Variants in DCAF8L2 observed in about 807,000 individuals in gnomAD.
DCAF8L2 encodes the protein DDB1- and CUL4-associated factor 8-like protein 2.
For missense variants in DCAF8L2, 430 were observed against 490.7 expected (o/e 0.88, Z 1.17); for synonymous variants, 200 against 190.9 (o/e 1.05, Z -0.39).
chrX:27,613,881 G>A (rs779926209), intron 1 of DCAF8L2, among the ~76,000 whole-genome samples: 11 of 111,295 alleles, frequency 9.9e-5, no homozygotes, highest in African/African-American at 2.9e-4. Flanking sequence ...TGTTTGCATC[G>A]ATGTTCATCA....
chrX:27,514,684 A>AC, the DCAF8L2 span, among the ~76,000 whole-genome samples: 88 of 92,569 alleles, frequency 9.5e-4, 2 homozygotes, highest in African/African-American at 2.1e-3. Flanking sequence ...AAAAAAAAAA[A>AC]AAAAAAAAAA....
the DCAF8L2 span, among the ~76,000 whole-genome samples, chrX:27,525,144 T>A: frequency 4.5e-5 from 5 of 111,208 alleles, no homozygotes; most frequent in East Asian, 1.1e-3. Context: ...AAAGTCTCCC[T>A]TTATTATTGT....
At chrX:27,668,653 C>T (rs1929826820) in intron 2 of DCAF8L2, among the ~76,000 whole-genome samples, 1 of 111,968 alleles carries the variant, frequency 8.9e-6, no homozygotes, top group Non-Finnish European at 1.9e-5. Context: ...GTTTCCTCTA[C>T]TCAGAAAAAG....
the DCAF8L2 span, among the ~76,000 whole-genome samples, chrX:27,582,320 AGTATTCAAATTTCACCAATTT>A: frequency 2.9e-4 from 33 of 111,905 alleles, no homozygotes; most frequent in African/African-American, 1.0e-3. Context: ...AACTATACAT[AGTATTCAAATTTCACCAATTT>A]TTCCACTAAT....
the DCAF8L2 span, among the ~76,000 whole-genome samples, chrX:27,539,657 T>G: frequency 7.2e-5 from 8 of 111,626 alleles, no homozygotes; most frequent in Non-Finnish European, 1.5e-4. Context: ...ATTCTGTGTC[T>G]GTGTGTATGC....
the DCAF8L2 span, among the ~76,000 whole-genome samples, chrX:27,471,362 C>T: frequency 9.0e-6 from 1 of 111,388 alleles, no homozygotes; most frequent in African/African-American, 3.3e-5. Context: ...TGTTTTCCTG[C>T]AGTCCGTTCT....
intron 4 of DCAF8L2, among the ~76,000 whole-genome samples, chrX:27,736,816 A>G (rs938909855): frequency 4.6e-5 from 5 of 109,351 alleles, no homozygotes; most frequent in African/African-American, 1.7e-4. Context: ...CAGGGTCAAA[A>G]TTATTTTATG....
chrX:27,510,793 C>T, the DCAF8L2 span, among the ~76,000 whole-genome samples: 1 of 110,807 alleles, frequency 9.0e-6, no homozygotes, highest in Non-Finnish European at 1.9e-5. Context: ...TATTGGCTTG[C>T]TGACAATTCA....
the DCAF8L2 span, among the ~76,000 whole-genome samples, chrX:27,497,549 C>CTTCTTTCTTTCTTTCT: frequency 9.3e-5 from 6 of 64,444 alleles, no homozygotes; most frequent in African/African-American, 5.3e-4. Context: ...TCCTTCCTTC[C>CTTCTTTCTTTCTTTCT]TTCTTTCTTT....
At chrX:27,626,633 A>G (rs1346261116) in intron 1 of DCAF8L2, among the ~76,000 whole-genome samples, 1 of 112,332 alleles carries the variant, frequency 8.9e-6, no homozygotes, top group Non-Finnish European at 1.9e-5. Flanking sequence ...TTAATTTGAT[A>G]TGTAATATTT....
intron 4 of DCAF8L2, among the ~76,000 whole-genome samples, chrX:27,729,685 G>T (rs1443834175): frequency 9.0e-6 from 1 of 111,676 alleles, no homozygotes; most frequent in Non-Finnish European, 1.9e-5. Flanking sequence ...TTAGCTTTCT[G>T]GAGTTTCTTT....
At chrX:27,515,300 A>T in the DCAF8L2 span, among the ~76,000 whole-genome samples, 1 of 112,516 alleles carries the variant, frequency 8.9e-6, no homozygotes, top group Non-Finnish European at 1.9e-5. Context: ...CCAAATACTC[A>T]TAAGTGTATT....
the DCAF8L2 span, among the ~76,000 whole-genome samples, chrX:27,477,362 A>G: frequency 9.0e-5 from 10 of 111,657 alleles, no homozygotes; most frequent in Non-Finnish European, 1.5e-4. Context: ...ATCTCGGCTC[A>G]CTGCAAGCTC....
the DCAF8L2 span, among the ~76,000 whole-genome samples, chrX:27,505,519 A>G: frequency 1.8e-5 from 2 of 112,051 alleles, no homozygotes; most frequent in African/African-American, 6.5e-5. Context: ...ATACATAGAT[A>G]TATCATCATT....
intron 2 of DCAF8L2, among the ~76,000 whole-genome samples, chrX:27,650,993 G>T (rs1365920039): frequency 1.8e-5 from 2 of 111,533 alleles, no homozygotes; most frequent in Admixed American, 1.9e-4. Flanking sequence ...TATTGATGGT[G>T]TTTATTGTGA....
the DCAF8L2 span, among the ~76,000 whole-genome samples, chrX:27,481,415 T>C: frequency 9.0e-6 from 1 of 111,093 alleles, no homozygotes; most frequent in Non-Finnish European, 1.9e-5. Context: ...ATTAAAGAAT[T>C]TTCATCTTTA....
At chrX:27,531,398 G>A in the DCAF8L2 span, among the ~76,000 whole-genome samples, 1 of 111,506 alleles carries the variant, frequency 9.0e-6, no homozygotes, top group African/African-American at 3.3e-5. Flanking sequence ...TATGACACAT[G>A]GGGACTCTTA....
chrX:27,517,651 A>C, the DCAF8L2 span: 6 of 588,630 alleles, frequency 1.0e-5, no homozygotes, highest in East Asian at 2.0e-4. Flanking sequence ...TAGCACAGTC[A>C]AACTGGTATA....
chrX:27,504,143 C>T, the DCAF8L2 span, among the ~76,000 whole-genome samples: 3 of 111,992 alleles, frequency 2.7e-5, no homozygotes, highest in African/African-American at 9.7e-5. Context: ...TGCAAATTAA[C>T]GCTAAGTGAA....
Sources: gnomAD v4.1 joint callset for allele counts (sites outside exome capture counted in the v4.1 genomes callset) on GRCh38, gnomAD v4.1.1 for gene constraint, MANE v1.5 for transcripts, NCBI Gene and HGNC (gene_info 2026-07-23, HGNC 2026-07-21) for gene names.